The following DAB1 variants were observed in gnomAD, a reference collection of about 807,000 sequenced individuals.
The protein encoded by DAB1 is DAB adaptor protein 1.
DAB1 carries 15 observed loss-of-function variants against 64.6 expected under a neutral mutation model. The observed-to-expected ratio is 0.23, with a 90% CI of 0.16 to 0.36. The LOEUF is 0.36. Among genes scored for constraint, DAB1 ranks in the 10% least tolerant of loss-of-function variants. The probability of loss-of-function intolerance (pLI) is 1.00; values close to 1 mark genes in which losing one functional copy is unlikely to be tolerated. For synonymous variants in DAB1, 235 were observed against 251.9 expected (o/e 0.93, Z 0.64); for missense variants, 596 against 706.7 (o/e 0.84, Z 1.78).
intron 3 of DAB1, among the ~76,000 whole-genome samples, chr1:58,389,124 C>T (rs370627346): frequency 6.6e-6 from 1 of 152,134 alleles, no homozygotes; most frequent in South Asian, 2.1e-4. Context: ...TGGCAAAACC[C>T]TATTTTGACA....
In DAB1 at chr1:57,996,127, C is replaced by G. The variant is rs184256021; in HGVS notation, n.388-111965G>C. Among the ~76,000 whole-genome samples the G allele has an allele frequency of 4.5e-4, 68 of 152,092 alleles. 1 individual carries two copies. The East Asian group carries it at 5.8e-3, about 13-fold the overall frequency. ...TACAAAAATTAGCTAGGCATGGTGG[C>G]GGGTGCCTGTAATCTCAGCTCCTCA... On this transcript the variant is annotated intron_variant and non_coding_transcript_variant, in intron 5 of 20. Transcript: ENST00000485760.
intron 4 of DAB1, among the ~76,000 whole-genome samples, chr1:58,293,015 T>C (rs1661883259): frequency 6.6e-6 from 1 of 150,980 alleles, no homozygotes; most frequent in Non-Finnish European, 1.5e-5. Flanking sequence ...TGAGGTAGAG[T>C]TTCCTCCCAA....
At chr1:57,356,713 G>T (rs552473320) in intron 1 of DAB1, among the ~76,000 whole-genome samples, 1 of 152,150 alleles carries the variant, frequency 6.6e-6, no homozygotes, top group South Asian at 2.1e-4. Flanking sequence ...TAGGAACAAA[G>T]CTCAGCTGTG....
chr1:57,361,076 C>A (rs1679510714), intron 1 of DAB1, among the ~76,000 whole-genome samples: 1 of 151,974 alleles, frequency 6.6e-6, no homozygotes, highest in Non-Finnish European at 1.5e-5. Flanking sequence ...ACAGAGGACA[C>A]CACAGAACAC....
chr1:58,095,979 A>T (rs1650954574), intron 5 of DAB1, among the ~76,000 whole-genome samples: 1 of 152,178 alleles, frequency 6.6e-6, no homozygotes, highest in Non-Finnish European at 1.5e-5. Flanking sequence ...AAGAACATAC[A>T]TGGACTTCCA....
chr1:57,207,693 C>T (rs1218071939), intron 2 of DAB1, among the ~76,000 whole-genome samples: 3 of 151,806 alleles, frequency 2.0e-5, no homozygotes, highest in Non-Finnish European at 1.5e-5. Flanking sequence ...ATCCGCCCGC[C>T]TCGGCCTCCC....
intron 7 of DAB1, among the ~76,000 whole-genome samples, chr1:57,450,493 C>A (rs887988305): frequency 6.6e-6 from 1 of 152,174 alleles, no homozygotes; most frequent in African/African-American, 2.4e-5. Flanking sequence ...CAACTAGCCT[C>A]TTAAAGAGAG....
rs566350458 is a variant in DAB1, at chr1:58,335,740, A to G, written n.309+7612T>C. Among the ~76,000 whole-genome samples, 135 of 152,268 alleles carry G rather than the reference A, an allele frequency of 8.9e-4. 1 individual carries two copies. The highest frequency in any genetic ancestry group is 3.4e-3 in the Middle Eastern group (1 of 294). On this transcript the variant is annotated intron_variant and non_coding_transcript_variant, in intron 4 of 20. Coordinates refer to the DAB1 transcript ENST00000485760. Reference sequence around the variant, plus strand: ...TAAAGCTGTCGATTCTTGCTGATACACTGGCTATAGGGCGTGAAAAAGAGA... The same window carrying G: ...TAAAGCTGTCGATTCTTGCTGATACGCTGGCTATAGGGCGTGAAAAAGAGA...
At chr1:58,506,131 T>C (rs757156809) in exon 3 of DAB1, 1 of 872,046 alleles carries the variant, frequency 1.1e-6, no homozygotes, top group Admixed American at 1.7e-5. Context: ...CATTCTGGCA[T>C]CTTGGGTTGG....
chr1:58,118,577 TAC>T (rs1491053468), intron 5 of DAB1, among the ~76,000 whole-genome samples: 2 of 81,618 alleles, frequency 2.5e-5, no homozygotes, highest in African/African-American at 6.8e-5. Context: ...TATATATATA[TAC>T]ATATATATAT....
chr1:57,947,405 C>T (rs1281694399), intron 5 of DAB1, among the ~76,000 whole-genome samples: 4 of 152,110 alleles, frequency 2.6e-5, no homozygotes, highest in African/African-American at 7.2e-5. Flanking sequence ...GGTGTCTCAA[C>T]CTTAGCGCTA....
intron 5 of DAB1, among the ~76,000 whole-genome samples, chr1:57,913,454 T>G: frequency 6.6e-6 from 1 of 152,324 alleles, no homozygotes; most frequent in East Asian, 1.9e-4. Context: ...CAAGATGGAT[T>G]AAAGACTTAA....
chr1:57,138,973 G>C (rs1217063941), intron 3 of DAB1, among the ~76,000 whole-genome samples: 1 of 152,170 alleles, frequency 6.6e-6, no homozygotes, highest in Non-Finnish European at 1.5e-5. Flanking sequence ...GGAACTCAAA[G>C]AGAAGGAAAG....
At chr1:57,929,835 G>A (rs1305414731) in intron 5 of DAB1, among the ~76,000 whole-genome samples, 1 of 152,088 alleles carries the variant, frequency 6.6e-6, no homozygotes, top group Non-Finnish European at 1.5e-5. Context: ...AATTGGTTTG[G>A]TCTTGCAAGA....
chr1:58,199,496 TA>T (rs1657883283), intron 4 of DAB1, among the ~76,000 whole-genome samples: 1 of 152,178 alleles, frequency 6.6e-6, no homozygotes, highest in African/African-American at 2.4e-5. Flanking sequence ...TCCTTTTTTG[TA>T]AAATGAGGAT....
At chr1:58,247,998 A>T (rs1446478199) in intron 4 of DAB1, among the ~76,000 whole-genome samples, 1 of 151,834 alleles carries the variant, frequency 6.6e-6, no homozygotes, top group African/African-American at 2.4e-5. Context: ...AAAAGATTCC[A>T]TTTTTAAAAA....
At chr1:57,336,500 A>G (rs1677089990) in intron 1 of DAB1, among the ~76,000 whole-genome samples, 1 of 152,244 alleles carries the variant, frequency 6.6e-6, no homozygotes, top group African/African-American at 2.4e-5. Context: ...AACTCACAGC[A>G]ACACTAGGAA....
intron 6 of DAB1, among the ~76,000 whole-genome samples, chr1:57,653,996 G>A (rs993735014): frequency 3.3e-5 from 5 of 152,138 alleles, no homozygotes; most frequent in South Asian, 2.1e-4. Flanking sequence ...GGTATTGTCA[G>A]ATCAGATTTA....
At chr1:57,305,856 C>G (rs954766429) in intron 1 of DAB1, among the ~76,000 whole-genome samples, 1 of 151,252 alleles carries the variant, frequency 6.6e-6, no homozygotes, top group African/African-American at 2.4e-5. Flanking sequence ...GTAGTCCCAG[C>G]TACTCAGGAG....
Sources: allele counts gnomAD v4.1 joint callset (sites outside exome capture counted in the v4.1 genomes callset), GRCh38; gene constraint gnomAD v4.1.1; transcripts MANE v1.5; gene names NCBI Gene and HGNC (gene_info 2026-07-23, HGNC 2026-07-21).